The following ADAM28 variants were observed in gnomAD, a reference collection of about 807,000 sequenced individuals.
ADAM28 encodes the protein disintegrin and metalloproteinase domain-containing protein 28.
In ADAM28, 105 loss-of-function variants were observed where a neutral mutation model predicts 101.2. The observed-to-expected ratio is 1.04, with a 90% CI of 0.89 to 1.22. The LOEUF is 1.22. Ranked by LOEUF, ADAM28 falls within the 50% of genes most tolerant of loss-of-function variation. The pLI, the probability that ADAM28 is intolerant of heterozygous loss-of-function variation, is 0.00. For missense variants in ADAM28, 1,028 were observed against 945.4 expected, an observed-to-expected ratio of 1.09 and a Z score of -1.15; for synonymous variants, 322 against 310.6, an observed-to-expected ratio of 1.04 and a Z score of -0.39.
chr8:24,330,801 G>A (rs948531387), intron 11 of ADAM28, among the ~76,000 whole-genome samples: 2 of 152,032 alleles, frequency 1.3e-5, no homozygotes, highest in Non-Finnish European at 2.9e-5. Context: ...CCTATCAATA[G>A]GAATTCCTCT....
rs80298856 is a variant in ADAM28, at chr8:24,314,414, T to C, written c.576+834T>C. On this transcript the variant is annotated intron_variant, in intron 6 of 22. Coordinates refer to ENST00000265769, the MANE Select transcript of ADAM28 (RefSeq NM_014265.6). ...TCTAGTCATAGGAGATAAATGAATA[T>C]AGTTTTGTGTTTTAGACTGTATATA... Among the ~76,000 whole-genome samples, 516 of 152,264 alleles carry C rather than the reference T, an allele frequency of 3.4e-3. 4 individuals are homozygous for C. The highest frequency in any genetic ancestry group is 0.012 in the African/African-American group (490 of 41,532).
intron 13 of ADAM28, among the ~76,000 whole-genome samples, chr8:24,334,119 A>G (rs532237215): frequency 2.3e-4 from 35 of 152,344 alleles, no homozygotes; most frequent in African/African-American, 8.2e-4. Context: ...GTTAGAGATT[A>G]TGGTAGGTAA....
chr8:24,311,350 T>C lies in ADAM28; in HGVS notation c.307-11T>C, dbSNP rs1240424066. On this transcript the variant is annotated splice_polypyrimidine_tract_variant and intron_variant, in intron 4 of 22. Transcript: ENST00000265769. ...CATGTACTTCTCTTTACAAAACCCC[T>C]TTTCCTTTAGGATGATTGTTATTAT... 3.7e-6 allele frequency: 6 copies of C among 1,603,422 alleles called. No homozygotes were observed. The highest frequency in any genetic ancestry group is 1.7e-5 in the Admixed American group (1 of 58,192).
intron 13 of ADAM28, among the ~76,000 whole-genome samples, chr8:24,334,462 G>T (rs973207673): frequency 5.3e-5 from 8 of 152,136 alleles, no homozygotes; most frequent in African/African-American, 1.9e-4. Context: ...TGTCAGAGGA[G>T]ACTTGGTGGG....
rs1813907171 is a variant in ADAM28, at chr8:24,335,502, A to T, written c.1428A>T (p.Glu476Asp). 1 of 1,614,130 alleles carries T rather than the reference A, an allele frequency of 6.2e-7. No individual in the cohort carries two copies. Among genetic ancestry groups the T allele is most frequent in the East Asian group, 2.2e-5 (1 of 44,872 alleles). Residue 476 changes from glutamate to aspartate, a missense_variant, in exon 14 of 23, where the codon GAA becomes GAT. Coordinates refer to ENST00000265769, the MANE Select transcript of ADAM28 (RefSeq NM_014265.6). The part of the protein sequence containing the change: ...RPAKDECDLP[E>D]MCNGKSGNCP... Reference sequence around the variant, plus strand: ...CAAAAGATGAGTGCGACCTGCCTGAAATGTGTAATGGTAAATCTGGTAATT... The same window carrying T: ...CAAAAGATGAGTGCGACCTGCCTGATATGTGTAATGGTAAATCTGGTAATT...
At chr8:24,348,367 G>A (rs1192479301) in intron 18 of ADAM28, among the ~76,000 whole-genome samples, 1 of 152,094 alleles carries the variant, frequency 6.6e-6, no homozygotes, top group Non-Finnish European at 1.5e-5. Flanking sequence ...TTCTCGTGGA[G>A]TATTCGTTGA....
In ADAM28 at chr8:24,341,605, A is replaced by G; in HGVS notation, c.1678A>G (p.Met560Val). ...TLIPCKANDT[M>V]CGKLFCQGGS... ...TTTTGGCTTTTTCCTCAGTGATACCATGTGTGGGAAGTTGTTCTGTCAAGG... is the reference window on the plus strand; with the variant it reads ...TTTTGGCTTTTTCCTCAGTGATACCGTGTGTGGGAAGTTGTTCTGTCAAGG... Residue 560 changes from methionine (M) to valine (V), a missense_variant, in exon 16 of 23, where the codon ATG (methionine) becomes GTG (valine). Coordinates refer to ENST00000265769, the MANE Select transcript of ADAM28 (RefSeq NM_014265.6). The G allele has an allele frequency of 6.2e-7, 1 of 1,613,010 alleles. No homozygotes were observed. The highest frequency in any genetic ancestry group is 8.5e-7 in the Non-Finnish European group (1 of 1,179,372).
Position 24,353,828 on chromosome 8 carries a change from C to T in ADAM28, c.2303C>T (p.Pro768Leu). 6.6e-7 allele frequency: 1 copy of T among 1,515,316 alleles called. No homozygotes were observed. The highest frequency in any genetic ancestry group is 9.2e-7 in the Non-Finnish European group (1 of 1,091,238). The allele number at this position is 1,515,316 out of a possible 1,614,324, so 93.9% of individuals were successfully genotyped here. A position where few individuals can be genotyped will look rare whatever the true frequency, so the allele number is the denominator to read the frequency against. ...TTCAAGGATAATCCAGTGTCTACACCTAAGGTAAGAGATCTATAGCCAAAT... is the reference window on the plus strand; with the variant it reads ...TTCAAGGATAATCCAGTGTCTACACTTAAGGTAAGAGATCTATAGCCAAAT... ...TVFKDNPVST[P>L]KDSNPKA Residue 768 changes from proline to leucine, a missense_variant, in exon 22 of 23, where the codon CCT becomes CTT. By Grantham distance (98) the Pro-to-Leu change is moderately conservative. Transcript: ENST00000265769.
chr8:24,351,106 T>C (rs751843156), intron 19 of ADAM28, 126 bp from the exon 20 acceptor site: 7 of 695,854 alleles, frequency 1.0e-5, no homozygotes, highest in Non-Finnish European at 1.6e-5. Context: ...AGGGAGCAGA[T>C]AAAAACCCAG....
chr8:24,305,451 C>CTTTTTTTTT (rs10654023), intron 2 of ADAM28, among the ~76,000 whole-genome samples: 2 of 65,462 alleles, frequency 3.1e-5, no homozygotes, highest in African/African-American at 5.9e-5. Context: ...TAAGAGGTTT[C>CTTTTTTTTT]TTTTTTTTTT....
chr8:24,299,814 G>T, intron 1 of ADAM28, 160 bp from the exon 2 acceptor site: 2 of 511,114 alleles, frequency 3.9e-6, no homozygotes. Context: ...TTCTGAGGTT[G>T]TTGCTCTCTT....
At chr8:24,302,392 A>T (rs1401765701) in intron 2 of ADAM28, among the ~76,000 whole-genome samples, 1 of 152,236 alleles carries the variant, frequency 6.6e-6, no homozygotes, top group African/African-American at 2.4e-5. Context: ...ATAGTGCCGC[A>T]ATGAACATGT....
At chr8:24,346,493 T>C (rs1315112582) in intron 18 of ADAM28, among the ~76,000 whole-genome samples, 1 of 152,166 alleles carries the variant, frequency 6.6e-6, no homozygotes, top group East Asian at 1.9e-4. Context: ...ATGCCTTTTA[T>C]GAATGAATTT....
intron 15 of ADAM28, among the ~76,000 whole-genome samples, chr8:24,340,666 T>TA (rs1292279041): frequency 6.6e-6 from 1 of 152,168 alleles, no homozygotes; most frequent in Non-Finnish European, 1.5e-5. Flanking sequence ...AGTGAAGAGT[T>TA]AGCCTGAAAT....
chr8:24,316,640 C>T (rs558458254), intron 6 of ADAM28, among the ~76,000 whole-genome samples: 11 of 152,104 alleles, frequency 7.2e-5, no homozygotes, highest in East Asian at 5.8e-4. Context: ...CATAATCAAT[C>T]GGAAAGCAGA....
Position 24,335,530 on chromosome 8 carries a change from C to T in ADAM28, c.1456C>T (p.Pro486Ser), listed in dbSNP as rs199827921. ...GTGTAATGGTAAATCTGGTAATTGT[C>T]CTGATGATAGATTCCAAGTCAATGG... is the stretch of plus-strand genomic sequence containing the variant. ...EMCNGKSGNCPDDRFQVNGFP... is the reference protein window; with the variant it reads ...EMCNGKSGNCSDDRFQVNGFP... The change falls in exon 14 of 23, where the codon CCT (proline) becomes TCT (serine). Residue 486 changes from proline to serine, a missense_variant. Pro to Ser is a moderately conservative substitution (Grantham distance 74). Transcript: ENST00000265769. 6.2e-6 allele frequency: 10 copies of T among 1,614,092 alleles called. No individual in the cohort carries two copies. The highest frequency in any genetic ancestry group is 2.2e-5 in the East Asian group (1 of 44,850).
In ADAM28 at chr8:24,353,758, TAATTAACGTAGCATA is replaced by T. The variant is rs1457242690; in HGVS notation, c.2245-9_2250del. On this transcript the variant is annotated splice_acceptor_variant and splice_polypyrimidine_tract_variant and coding_sequence_variant and intron_variant, in exon 22 of 23. Transcript: ENST00000265769. LOFTEE classifies it high-confidence loss of function. ...TTCTAATGCCATACCATTGTTTTTA[TAATTAACGTAGCATA>T]AAGACACAAACGCACTTCCCCCTAC... The T allele has an allele frequency of 2.1e-6, 3 of 1,444,208 alleles. No individual in the cohort carries two copies. In the African/African-American group the frequency reaches 4.2e-5, roughly 20 times the overall value. 89.5% of individuals were successfully genotyped at this position (1,444,208 alleles called of 1,614,324 possible).
intron 1 of ADAM28, among the ~76,000 whole-genome samples, chr8:24,295,631 C>G (rs998766371): frequency 6.6e-6 from 1 of 152,092 alleles, no homozygotes; most frequent in African/African-American, 2.4e-5. Context: ...GGGGCCCATG[C>G]ACATTACAGT....
At chr8:24,335,933 C>A (rs1011447592) in intron 14 of ADAM28, 1 of 1,110,966 alleles carries the variant, frequency 9.0e-7, no homozygotes, top group Non-Finnish European at 1.1e-6. Flanking sequence ...TGTGCTCATA[C>A]TAAAATTATT....
Sources: gnomAD v4.1 joint callset for allele counts (sites outside exome capture counted in the v4.1 genomes callset) on GRCh38, gnomAD v4.1.1 for gene constraint, MANE v1.5 for transcripts, NCBI Gene and HGNC (gene_info 2026-07-23, HGNC 2026-07-21) for gene names.